The following COL18A1 variants were observed in gnomAD, a reference collection of about 807,000 sequenced individuals.
The protein encoded by COL18A1 is collagen alpha-1(XVIII) chain.
A neutral mutation model predicts 168.0 loss-of-function variants in COL18A1; 133 were observed. That is an observed-to-expected ratio of 0.79 (90% confidence interval 0.69 to 0.91). The LOEUF (loss-of-function observed/expected upper bound fraction) is 0.91, where lower values mean the gene tolerates loss of function less well. Among genes scored for constraint, COL18A1 ranks in the 40% least tolerant of loss-of-function variants. The probability of loss-of-function intolerance (pLI) is 0.00; values close to 1 mark genes in which losing one functional copy is unlikely to be tolerated. For synonymous variants in COL18A1, 949 were observed against 809.0 expected (o/e 1.17, Z -2.94); for missense variants, 2,126 against 1,925.4 (o/e 1.10, Z -1.95).
chr21:45,444,059 G>A (rs116366353), intron 2 of COL18A1, among the ~76,000 whole-genome samples: 2,816 of 152,298 alleles, frequency 0.018, 99 homozygotes, highest in African/African-American at 0.063. Flanking sequence ...CGGCTGCCAC[G>A]CTGTCGCTCT....
rs1013906956 is a variant in COL18A1, at chr21:45,443,734, G to A, written c.107-24508G>A. On this transcript the variant is annotated intron_variant, in intron 2 of 41. Transcript: ENST00000651438. This position sits in a 1 kb window ranked among gnomAD's most constrained non-coding sequence, Gnocchi z 5.2. ...AACACAAATCAAGTGCCAATTTCCT[G>A]GTGAAGAGTCTTTATGAGAGCAATG... is the stretch of plus-strand genomic sequence containing the variant. 1.3e-5 allele frequency among the ~76,000 whole-genome samples: 2 copies of A among 152,214 alleles called. No individual in the cohort carries two copies. Among genetic ancestry groups the A allele is most frequent in the Non-Finnish European group, 2.9e-5 (2 of 68,040 alleles).
chr21:45,502,182 A>AG (rs2036902225), intron 32 of COL18A1, among the ~76,000 whole-genome samples: 1 of 152,208 alleles, frequency 6.6e-6, no homozygotes, highest in Admixed American at 6.5e-5. Flanking sequence ...CTCCAACCCC[A>AG]GGGACGGCTC....
rs1359695794 is a variant in COL18A1 at position 45,443,118 on chromosome 21, G to A, written c.107-25124G>A. On this transcript the variant is annotated intron_variant, in intron 2 of 41. Coordinates refer to ENST00000651438, the MANE Select transcript of COL18A1 (RefSeq NM_001379500.1). The surrounding 1 kb of genome is among the most constrained non-coding windows in gnomAD (Gnocchi z 5.2). ...TGTGGGCGGCGGTGCTGGTGTGGGC[G>A]GCGGTGCTGGTGTGGGCGGCGGTGC... Among the ~76,000 whole-genome samples the A allele has an allele frequency of 2.1e-5, 2 of 94,002 alleles. No homozygotes were observed. The highest frequency in any genetic ancestry group is 3.6e-4 in the South Asian group (1 of 2,810). The allele number at this position is 94,002 out of a possible 152,430, so 61.7% of individuals were successfully genotyped here. A position where few individuals can be genotyped will look rare whatever the true frequency, so the allele number is the denominator to read the frequency against.
At chr21:45,490,171 T>C (rs2145978879) in intron 19 of COL18A1, 104 bp from the exon 20 acceptor site, 1 of 901,266 alleles carries the variant, frequency 1.1e-6, no homozygotes, top group Non-Finnish European at 1.7e-6. Flanking sequence ...GAGAGAGAAG[T>C]CCAGGCCATC....
intron 29 of COL18A1, chr21:45,496,230 C>T (rs2036539108): frequency 3.0e-6 from 2 of 663,430 alleles, no homozygotes. Context: ...TTTCAGTCAC[C>T]TTTTTACCTG....
Position 45,512,516 on chromosome 21 carries a change from A to G in COL18A1, c.*118A>G, listed in dbSNP as rs1400915838. 20 of 889,506 alleles carry G rather than the reference A, an allele frequency of 2.2e-5. No homozygotes were observed. Among genetic ancestry groups the G allele is most frequent in the African/African-American group, 1.0e-4 (6 of 59,904 alleles). The allele number at this position is 889,506 out of a possible 1,614,324, so 55.1% of individuals were successfully genotyped here. A position where few individuals can be genotyped will look rare whatever the true frequency, so the allele number is the denominator to read the frequency against. Reference sequence around the variant, plus strand: ...GGACCTGGCTGCCATACTTTCCTGTATAGTTCACGTTTCATGTAATCCTCA... The same window carrying G: ...GGACCTGGCTGCCATACTTTCCTGTGTAGTTCACGTTTCATGTAATCCTCA... On this transcript the variant is annotated 3_prime_UTR_variant, in exon 42 of 42. Transcript: ENST00000651438.
intron 2 of COL18A1, among the ~76,000 whole-genome samples, chr21:45,460,021 C>T (rs2034988806): frequency 6.6e-6 from 1 of 152,170 alleles, no homozygotes; most frequent in South Asian, 2.1e-4. Context: ...AGGCAAGCAT[C>T]CTCTGACCTG....
intron 31 of COL18A1, 70 bp from the exon 32 acceptor site, chr21:45,497,529 G>C: frequency 6.5e-7 from 1 of 1,543,016 alleles, no homozygotes; most frequent in Non-Finnish European, 8.8e-7. Context: ...GGCATTTCGG[G>C]CAGGAGGGGC....
At chr21:45,508,361 A>AGTGGATGG (rs1183889049) in intron 38 of COL18A1, among the ~76,000 whole-genome samples, 1 of 142,638 alleles carries the variant, frequency 7.0e-6, no homozygotes, top group Non-Finnish European at 1.5e-5. Flanking sequence ...CAAGTGGGTG[A>AGTGGATGG]GTGGATGGGT....
At chr21:45,491,389 C>G in intron 22 of COL18A1, 75 bp downstream of exon 22, 1 of 726,470 alleles carries the variant, frequency 1.4e-6, no homozygotes, top group Non-Finnish European at 2.5e-6. Flanking sequence ...CCCCGAGCCC[C>G]CCCCACACCC....
Position 45,418,044 on chromosome 21 carries a change from G to A in COL18A1, c.106+12571G>A, listed in dbSNP as rs145187021. The stretch of plus-strand genomic sequence containing the variant: ...GAAGGGCAGGTGCCTGTTCGTTAAC[G>A]TGTGCCGCCCCCGGAGCGCTGGCTG... On this transcript the variant is annotated intron_variant, in intron 2 of 41. Transcript: ENST00000651438. 2.2e-3 allele frequency among the ~76,000 whole-genome samples: 330 copies of A among 152,358 alleles called. 3 individuals carry two copies. Among genetic ancestry groups the A allele is most frequent in the Non-Finnish European group, 3.6e-3 (246 of 68,038 alleles).
chr21:45,421,991 A>T (rs557997657), intron 2 of COL18A1, among the ~76,000 whole-genome samples: 1 of 152,246 alleles, frequency 6.6e-6, no homozygotes, highest in South Asian at 2.1e-4. Context: ...ACTCACACAG[A>T]CACACGCTCG....
intron 2 of COL18A1, among the ~76,000 whole-genome samples, chr21:45,418,610 C>G (rs1002271945): frequency 6.4e-5 from 9 of 140,842 alleles, no homozygotes; most frequent in Non-Finnish European, 1.2e-4. Flanking sequence ...CAGCCCGCCT[C>G]GTGCACCTGC....
intron 4 of COL18A1, among the ~76,000 whole-genome samples, chr21:45,475,225 C>T (rs1025624980): frequency 2.0e-5 from 3 of 152,218 alleles, no homozygotes; most frequent in Admixed American, 2.0e-4. Flanking sequence ...GACCACCGGC[C>T]GAGGCAGGTT....
chr21:45,467,788 A>G (rs1052130154), intron 2 of COL18A1, among the ~76,000 whole-genome samples: 3 of 152,026 alleles, frequency 2.0e-5, no homozygotes, highest in South Asian at 2.1e-4. Flanking sequence ...GCCGGGCGGG[A>G]AGGCTGCCAG....
At position 45,423,056 on chromosome 21, in the gene COL18A1, T is replaced by A. The variant is rs2033675859; in HGVS notation, c.106+17583T>A. Among the ~76,000 whole-genome samples the A allele has an allele frequency of 6.6e-6, 1 of 152,144 alleles. No individual in the cohort carries two copies. The highest frequency in any genetic ancestry group is 2.4e-5 in the African/African-American group (1 of 41,426). The stretch of plus-strand genomic sequence containing the variant: ...CTCTAACTCCCGACCTCAGGTGATC[T>A]GCCCGCATCTCCTTCCCAGAGTGTT... On this transcript the variant is annotated intron_variant, in intron 2 of 41. Transcript: ENST00000651438. This position sits in a 1 kb window ranked among gnomAD's most constrained non-coding sequence, Gnocchi z 4.0.
chr21:45,464,712 T>C (rs2035144996), intron 2 of COL18A1, among the ~76,000 whole-genome samples: 1 of 152,154 alleles, frequency 6.6e-6, no homozygotes, highest in Non-Finnish European at 1.5e-5. Context: ...TTCCCTTCGC[T>C]CAAAGCCCCT....
intron 9 of COL18A1, 23 bp downstream of exon 9, chr21:45,478,376 C>T (rs2035759491): frequency 6.2e-7 from 1 of 1,614,146 alleles, no homozygotes; most frequent in South Asian, 1.1e-5. Context: ...TTCTTTCTGA[C>T]CCCTGTGTTA....
At chr21:45,500,307 T>TG in intron 32 of COL18A1, among the ~76,000 whole-genome samples, 1 of 65,464 alleles carries the variant, frequency 1.5e-5, no homozygotes, top group Non-Finnish European at 2.8e-5. Flanking sequence ...TATATGTGGG[T>TG]GTGTAGTGGG....
Sources: gnomAD v4.1 joint callset for allele counts (sites outside exome capture counted in the v4.1 genomes callset) on GRCh38, gnomAD v4.1.1 for gene constraint, Gnocchi (gnomAD v3.1) non-coding constraint, MANE v1.5 for transcripts, NCBI Gene and HGNC (gene_info 2026-07-23, HGNC 2026-07-21) for gene names.